Variants in CD164 observed in about 807,000 individuals in gnomAD.
The protein encoded by CD164 is CD164 molecule.
CD164 carries 11 observed loss-of-function variants against 24.6 expected under a neutral mutation model. That is an observed-to-expected ratio of 0.45 (90% CI 0.28 to 0.74). The LOEUF (loss-of-function observed/expected upper bound fraction) is 0.74. Among genes scored for constraint, CD164 ranks in the 30% least tolerant of loss-of-function variants. The probability of loss-of-function intolerance (pLI) is 0.13; values close to 1 mark genes in which losing one functional copy is unlikely to be tolerated. For missense variants in CD164, 295 were observed against 243.7 expected, an observed-to-expected ratio of 1.21 and a Z score of -1.40; for synonymous variants, 126 against 100.3, an observed-to-expected ratio of 1.26 and a Z score of -1.53.
At chr6:109,380,360 G>A (rs1304272011) in intron 1 of CD164, 1 of 152,068 alleles carries the variant, frequency 6.6e-6, no homozygotes, top group Non-Finnish European at 1.5e-5. Context: ...ATAAAATTGG[G>A]CTCTATTTTC....
Position 109,380,094 on chromosome 6 carries a change from AGTAGTTTAACAG to A in CD164, c.176-444_176-433del, listed in dbSNP as rs761269710. The A allele has an allele frequency of 6.3e-4, 83 of 131,768 alleles. 1 individual carries two copies. Among genetic ancestry groups the A allele is most frequent in the South Asian group, 3.1e-3 (15 of 4,766 alleles). The allele number at this position is 131,768 out of a possible 1,614,324, so 8.2% of individuals were successfully genotyped here. On this transcript the variant is annotated intron_variant, in intron 1 of 5. Transcript: ENST00000310786. ...CCCTGAGATTTTTAGTAGTAACAGT[AGTAGTTTAACAG>A]GTTGAACCCAAGCACTGATGATGCC...
At chr6:109,374,890 C>T (rs963209010) in intron 4 of CD164, among the ~76,000 whole-genome samples, 3 of 152,194 alleles carry the variant, frequency 2.0e-5, no homozygotes, top group Admixed American at 6.5e-5. Context: ...CACATTCCTT[C>T]TTACAAATTT....
intron 1 of CD164, 76 bp downstream of exon 1, chr6:109,382,128 C>A (rs373973775): frequency 4.5e-5 from 57 of 1,273,218 alleles, no homozygotes; most frequent in Non-Finnish European, 4.6e-5. Flanking sequence ...GAACCCGGGC[C>A]CCGCCCGCAC....
chr6:109,376,062 A>G lies in CD164; in HGVS notation c.370+12T>C, dbSNP rs777765271. The G allele has an allele frequency of 1.3e-6, 2 of 1,563,178 alleles. No homozygotes were observed. Among genetic ancestry groups the G allele is most frequent in the East Asian group, 2.3e-5 (1 of 43,210 alleles). On this transcript the variant is annotated intron_variant, in intron 4 of 5. Coordinates refer to ENST00000310786, the MANE Select transcript of CD164 (RefSeq NM_006016.6). ...CTGAAGGAAAAGGAAGAAAACAGTC[A>G]TCTTGAATTACCTGTAGAATTGGCT...
intron 1 of CD164, chr6:109,381,495 A>G (rs1172278094): frequency 4.3e-6 from 3 of 702,346 alleles, no homozygotes; most frequent in African/African-American, 1.7e-5. Flanking sequence ...CCTAGGTTTC[A>G]CTACCTACCT....
chr6:109,370,067 G>A (rs556178291), intron 5 of CD164, among the ~76,000 whole-genome samples: 1 of 152,124 alleles, frequency 6.6e-6, no homozygotes, highest in African/African-American at 2.4e-5. Context: ...CCCTCAAATC[G>A]CCATGCTCTC....
At chr6:109,370,358 G>T in intron 5 of CD164, 53 bp downstream of exon 5, 2 of 1,382,360 alleles carry the variant, frequency 1.4e-6, no homozygotes, top group Non-Finnish European at 2.1e-6. Flanking sequence ...ATTGTAAAGG[G>T]CAACATCGTG....
intron 4 of CD164, 184 bp from the exon 5 acceptor site, chr6:109,370,651 G>T (rs916230649): frequency 2.8e-5 from 15 of 526,786 alleles, no homozygotes; most frequent in Non-Finnish European, 5.1e-5. Flanking sequence ...GGATTTAAGT[G>T]TATTTTAAAA....
intron 3 of CD164, 110 bp downstream of exon 3, chr6:109,377,789 AT>A: frequency 1.3e-6 from 1 of 764,074 alleles, no homozygotes; most frequent in Non-Finnish European, 2.3e-6. Context: ...TTCTAACAAG[AT>A]GAGAATTATG....
chr6:109,380,521 G>C (rs1024095360), intron 1 of CD164: 1 of 152,172 alleles, frequency 6.6e-6, no homozygotes, highest in African/African-American at 2.4e-5. Flanking sequence ...TTCATCATTA[G>C]TACTTATTAA....
chr6:109,368,755 T>C lies in CD164; in HGVS notation c.*96A>G. On this transcript the variant is annotated 3_prime_UTR_variant, in exon 6 of 6. Transcript: ENST00000310786. Reference sequence around the variant, plus strand: ...CCATGGAAATTTAAAGATCCTGGAATAGCGTCTTCCATGTGGGACATCTTA... The same window carrying C: ...CCATGGAAATTTAAAGATCCTGGAACAGCGTCTTCCATGTGGGACATCTTA... 6.8e-7 allele frequency: 1 copy of C among 1,474,722 alleles called. No individual in the cohort carries two copies. The allele number at this position is 1,474,722 out of a possible 1,614,324, so 91.4% of individuals were successfully genotyped here. A position where few individuals can be genotyped will look rare whatever the true frequency, so the allele number is the denominator to read the frequency against.
intron 2 of CD164, among the ~76,000 whole-genome samples, chr6:109,378,504 T>A (rs1181625612): frequency 1.3e-5 from 2 of 152,078 alleles, no homozygotes; most frequent in Non-Finnish European, 2.9e-5. Flanking sequence ...AAGAGGTTAG[T>A]AAACAGATGA....
At chr6:109,379,073 T>C (rs1771586770) in intron 2 of CD164, among the ~76,000 whole-genome samples, 1 of 152,224 alleles carries the variant, frequency 6.6e-6, no homozygotes, top group Non-Finnish European at 1.5e-5. Flanking sequence ...CAACTCTCCC[T>C]ACCTCTTTCT....
At chr6:109,377,828 A>G in intron 3 of CD164, 72 bp downstream of exon 3, 1 of 1,088,818 alleles carries the variant, frequency 9.2e-7, no homozygotes, top group Non-Finnish European at 1.4e-6. Context: ...GCACTGAAAC[A>G]AGGCTTTCTG....
At chr6:109,379,412 G>C (rs1385430505) in intron 2 of CD164, among the ~76,000 whole-genome samples, 167 bp downstream of exon 2, 1 of 152,228 alleles carries the variant, frequency 6.6e-6, no homozygotes, top group African/African-American at 2.4e-5. Context: ...GACAAAAAGA[G>C]ATTTTCAGGG....
chr6:109,381,050 G>A (rs1771709265), intron 1 of CD164, among the ~76,000 whole-genome samples: 2 of 152,128 alleles, frequency 1.3e-5, no homozygotes. Context: ...TGAATGCCGT[G>A]ATAAAAATCA....
At chr6:109,374,460 A>G (rs1771282128) in intron 4 of CD164, among the ~76,000 whole-genome samples, 1 of 152,132 alleles carries the variant, frequency 6.6e-6, no homozygotes, top group African/African-American at 2.4e-5. Flanking sequence ...ACTTATTTGC[A>G]AACATCTGCA....
chr6:109,380,213 G>T (rs986480173), intron 1 of CD164: 1 of 152,176 alleles, frequency 6.6e-6, no homozygotes, highest in Non-Finnish European at 1.5e-5. Context: ...TCCACAACTG[G>T]AGACAACATC....
Position 109,368,554 on chromosome 6 carries a change from C to T in CD164, c.*297G>A, listed in dbSNP as rs62436103. The T allele has an allele frequency of 2.3e-5, 31 of 1,331,884 alleles. No individual in the cohort carries two copies. The highest frequency in any genetic ancestry group is 3.0e-5 in the Non-Finnish European group (31 of 1,046,976). 82.5% of individuals were successfully genotyped at this position (1,331,884 alleles called of 1,614,324 possible). On this transcript the variant is annotated 3_prime_UTR_variant, in exon 6 of 6. Transcript: ENST00000310786. Reference sequence around the variant, plus strand: ...CTGCACAAGACAACATTTTCCATCACTTTCAGAAAGTTATATTTGGCATGT... The same window carrying T: ...CTGCACAAGACAACATTTTCCATCATTTTCAGAAAGTTATATTTGGCATGT...
Sources: allele counts gnomAD v4.1 joint callset (sites outside exome capture counted in the v4.1 genomes callset), GRCh38; gene constraint gnomAD v4.1.1; transcripts MANE v1.5; gene names NCBI Gene and HGNC (gene_info 2026-07-23, HGNC 2026-07-21).